Variants in PARVB observed in about 807,000 individuals in gnomAD.
PARVB encodes the protein beta-parvin.
A neutral mutation model predicts 47.0 loss-of-function variants in PARVB; 46 were observed. That is an observed-to-expected ratio of 0.98 (90% CI 0.77 to 1.25). PARVB has a LOEUF of 1.25. Among genes scored for constraint, PARVB ranks in the 50% most tolerant of loss-of-function variants. PARVB has a pLI of 0.00. For missense variants in PARVB, 473 were observed against 471.6 expected (o/e 1.00, Z -0.03); for synonymous variants, 196 against 196.3 (o/e 1.00, Z 0.01).
intron 1 of PARVB, among the ~76,000 whole-genome samples, chr22:44,075,758 T>G (rs1190255215): frequency 6.6e-6 from 1 of 152,248 alleles, no homozygotes; most frequent in Non-Finnish European, 1.5e-5. Context: ...CCACGCCTTT[T>G]CACAGCTGAC....
chr22:44,028,543 A>G (rs5764472), intron 1 of PARVB, among the ~76,000 whole-genome samples: 59,987 of 151,998 alleles, frequency 0.39, 12,449 homozygotes, highest in East Asian at 0.68. Context: ...TTGTTGATCC[A>G]TTCACCTGCT....
At chr22:44,029,922 GAAAAGA>G (rs1416318493) in intron 1 of PARVB, among the ~76,000 whole-genome samples, 2 of 151,402 alleles carry the variant, frequency 1.3e-5, no homozygotes, top group Admixed American at 6.6e-5. Context: ...AAAAAAAAAA[GAAAAGA>G]AAAGAAATCA....
At chr22:44,034,910 C>T (rs561776018) in intron 1 of PARVB, among the ~76,000 whole-genome samples, 2 of 151,866 alleles carry the variant, frequency 1.3e-5, no homozygotes, top group African/African-American at 4.8e-5. Flanking sequence ...AGAGTTTCAC[C>T]ATGTTGGCCA....
intron 2 of PARVB, among the ~76,000 whole-genome samples, chr22:44,017,338 G>A (rs1176285744): frequency 1.3e-5 from 2 of 152,184 alleles, no homozygotes; most frequent in East Asian, 1.9e-4. Flanking sequence ...AAAGGTGAAC[G>A]ATGATAAACT....
intron 2 of PARVB, chr22:43,999,720 G>A (rs768416284): frequency 3.6e-6 from 5 of 1,382,922 alleles, no homozygotes; most frequent in Non-Finnish European, 5.1e-6. Context: ...AGGGCTGGGT[G>A]CAGTGGCTCA....
chr22:44,163,492 T>C (rs2054096758), intron 11 of PARVB, among the ~76,000 whole-genome samples: 1 of 151,818 alleles, frequency 6.6e-6, no homozygotes, highest in Non-Finnish European at 1.5e-5. Context: ...AATAAATAAA[T>C]AAACAAAGAA....
chr22:44,164,742 C>G (rs946761982), intron 12 of PARVB, among the ~76,000 whole-genome samples: 2 of 152,196 alleles, frequency 1.3e-5, no homozygotes, highest in Non-Finnish European at 2.9e-5. Context: ...CCTGAGTCCC[C>G]CATGGTGCTA....
intron 2 of PARVB, among the ~76,000 whole-genome samples, chr22:44,098,504 C>T (rs1330241422): frequency 3.9e-5 from 6 of 152,070 alleles, no homozygotes; most frequent in Non-Finnish European, 7.4e-5. Context: ...GAGGGAAGGC[C>T]GGATGGGCTG....
intron 12 of PARVB, among the ~76,000 whole-genome samples, chr22:44,164,806 C>T (rs1056824915): frequency 3.9e-5 from 6 of 152,198 alleles, no homozygotes; most frequent in Admixed American, 2.6e-4. Context: ...ATCCGCTCAA[C>T]GGCGGGCTTT....
rs1057416550 is a variant in PARVB, at chr22:44,103,127, G to C, written c.273+3004G>C. ...CCCCCAGGCTGTTTTGGCCTTGGTG[G>C]GGCGAGGGCTGGCTGCTGCATGTCT... On this transcript the variant is annotated intron_variant, in intron 3 of 12. Transcript: ENST00000338758. The surrounding 1 kb of genome is among the most constrained non-coding windows in gnomAD (Gnocchi z 4.6). The C allele has an allele frequency of 2.0e-5, 3 of 152,260 alleles. No homozygotes were observed. The highest frequency in any genetic ancestry group is 4.4e-5 in the Non-Finnish European group (3 of 68,096). The allele number at this position is 152,260 out of a possible 1,614,324, so 9.4% of individuals were successfully genotyped here.
intron 1 of PARVB, among the ~76,000 whole-genome samples, chr22:44,085,307 T>C (rs925010248): frequency 1.3e-5 from 2 of 152,128 alleles, no homozygotes; most frequent in African/African-American, 4.8e-5. Flanking sequence ...TTTTTCTTTT[T>C]CTTTTTCTTT....
chr22:44,014,826 CA>C (rs372820780), intron 2 of PARVB, among the ~76,000 whole-genome samples: 8 of 150,372 alleles, frequency 5.3e-5, no homozygotes, highest in Admixed American at 2.0e-4. Flanking sequence ...ACATACAAGA[CA>C]AAAAAATCAT....
chr22:44,012,250 A>G (rs917597573), intron 2 of PARVB, among the ~76,000 whole-genome samples: 2 of 152,256 alleles, frequency 1.3e-5, no homozygotes, highest in Non-Finnish European at 2.9e-5. Flanking sequence ...CCTGGTATGC[A>G]AAAAGAGAAC....
chr22:44,021,759 TCACACACACACACACA>T (rs3223605), upstream of PARVB, among the ~76,000 whole-genome samples: 5,029 of 102,696 alleles, frequency 0.049, 135 homozygotes, highest in East Asian at 0.12. Flanking sequence ...AAGTCTAGAC[TCACACACACACACACA>T]CACACACACA....
At chr22:44,072,494 G>T (rs908889138) in intron 1 of PARVB, among the ~76,000 whole-genome samples, 35 of 152,180 alleles carry the variant, frequency 2.3e-4, no homozygotes, top group African/African-American at 8.4e-4. Context: ...AGGCTGGAGT[G>T]CAGTGGCGTG....
chr22:44,028,502 GAAT>G (rs1447354084), intron 1 of PARVB, among the ~76,000 whole-genome samples: 1 of 152,042 alleles, frequency 6.6e-6, no homozygotes, highest in Non-Finnish European at 1.5e-5. Context: ...TTTTTTGACT[GAAT>G]AATATTCCGT....
intron 1 of PARVB, among the ~76,000 whole-genome samples, chr22:44,053,025 T>G (rs921217456): frequency 1.3e-5 from 2 of 151,820 alleles, no homozygotes; most frequent in African/African-American, 4.8e-5. Context: ...TTTGCCAATC[T>G]ATGGTTTAAA....
At chr22:44,046,190 T>C (rs1039668540) in intron 1 of PARVB, among the ~76,000 whole-genome samples, 1 of 152,224 alleles carries the variant, frequency 6.6e-6, no homozygotes, top group African/African-American at 2.4e-5. Flanking sequence ...AGTGGGATTG[T>C]TGTCCTTGCC....
intron 12 of PARVB, among the ~76,000 whole-genome samples, chr22:44,165,591 CT>C (rs2054150143): frequency 1.3e-5 from 2 of 152,358 alleles, no homozygotes; most frequent in African/African-American, 4.8e-5. Flanking sequence ...GAACAGGTTA[CT>C]TTGCCTTTCT....
Sources: gnomAD v4.1 joint callset for allele counts (sites outside exome capture counted in the v4.1 genomes callset) on GRCh38, gnomAD v4.1.1 for gene constraint, Gnocchi (gnomAD v3.1) non-coding constraint, MANE v1.5 for transcripts, NCBI Gene and HGNC (gene_info 2026-07-23, HGNC 2026-07-21) for gene names.